Variants in VWA3A observed in about 807,000 individuals in gnomAD.
VWA3A encodes von Willebrand factor A domain-containing protein 3A.
Under a neutral mutation model 160.4 loss-of-function variants are expected in VWA3A, and 134 were observed. The observed-to-expected ratio is 0.84, with a 90% CI of 0.73 to 0.96. VWA3A has a LOEUF of 0.96. VWA3A is among the 40% of genes least tolerant of loss of function. The pLI is 0.00. For synonymous variants in VWA3A, 476 were observed against 543.4 expected, an observed-to-expected ratio of 0.88 and a Z score of 1.72; for missense variants, 1,310 against 1,447.9, an observed-to-expected ratio of 0.90 and a Z score of 1.55.
chr16:22,128,115 G>C (rs1567211515), intron 17 of VWA3A, among the ~76,000 whole-genome samples: 2 of 152,308 alleles, frequency 1.3e-5, no homozygotes, highest in Admixed American at 6.5e-5. Flanking sequence ...ATATGGGGCT[G>C]AGAGGGAGAG....
chr16:22,131,402 G>C, intron 18 of VWA3A, 123 bp downstream of exon 18: 1 of 1,431,538 alleles, frequency 7.0e-7, no homozygotes, highest in South Asian at 1.3e-5. Flanking sequence ...AACAGCCATG[G>C]GCAGAAATCA....
chr16:22,113,312 C>T (rs2045578709), intron 8 of VWA3A, among the ~76,000 whole-genome samples: 1 of 150,174 alleles, frequency 6.7e-6, no homozygotes, highest in African/African-American at 2.5e-5. Flanking sequence ...CTGCCTCAGC[C>T]TCCCAAATAG....
chr16:22,146,438 G>A, intron 27 of VWA3A, 94 bp downstream of exon 27: 1 of 1,062,312 alleles, frequency 9.4e-7, no homozygotes, highest in African/African-American at 1.6e-5. Context: ...CCAAAGCCAG[G>A]CCTTCAAGAA....
rs548061029 is a variant in VWA3A at position 22,141,577 on chromosome 16, C to T, written c.2384-5C>T. 61 of 1,605,784 alleles carry T rather than the reference C, an allele frequency of 3.8e-5. No individual in the cohort carries two copies. Among genetic ancestry groups the T allele is most frequent in the Middle Eastern group, 1.7e-4 (1 of 6,058 alleles). On this transcript the variant is annotated splice_polypyrimidine_tract_variant and splice_region_variant and intron_variant, in intron 23 of 33. Coordinates refer to ENST00000389398, the MANE Select transcript of VWA3A (RefSeq NM_173615.5). ...GCTCCAGCCAACAAGCCAAATGTTC[C>T]TCAGCTGCGGCCCAGCCAACGAAAG...
chr16:22,122,047 G>A (rs931848128), intron 14 of VWA3A, among the ~76,000 whole-genome samples: 2 of 152,158 alleles, frequency 1.3e-5, no homozygotes, highest in Non-Finnish European at 2.9e-5. Flanking sequence ...GTATAAGTAG[G>A]AAATCAATGC....
intron 21 of VWA3A, among the ~76,000 whole-genome samples, chr16:22,135,724 T>C (rs2046028384): frequency 6.6e-6 from 1 of 152,222 alleles, no homozygotes; most frequent in Admixed American, 6.5e-5. Flanking sequence ...TGCTGTTTCC[T>C]CTGTCCTTCC....
chr16:22,104,372 C>A (rs1436186774), intron 6 of VWA3A, among the ~76,000 whole-genome samples: 1 of 152,080 alleles, frequency 6.6e-6, no homozygotes, highest in African/African-American at 2.4e-5. Context: ...GCCTGCAATC[C>A]CAGCTATGCA....
chr16:22,121,677 C>T (rs2045737279), intron 14 of VWA3A, 60 bp downstream of exon 14: 2 of 1,346,610 alleles, frequency 1.5e-6, no homozygotes, highest in East Asian at 2.3e-5. Flanking sequence ...GTGGCTTTTC[C>T]TACCTTCATA....
At chr16:22,129,443 T>C (rs1312288655) in intron 17 of VWA3A, among the ~76,000 whole-genome samples, 2 of 144,860 alleles carry the variant, frequency 1.4e-5, no homozygotes, top group East Asian at 2.0e-4. Flanking sequence ...ATGGAAGAGA[T>C]TTTGGGGAGT....
At chr16:22,142,408 G>C (rs913729167) in intron 24 of VWA3A, among the ~76,000 whole-genome samples, 1 of 152,102 alleles carries the variant, frequency 6.6e-6, no homozygotes, top group Non-Finnish European at 1.5e-5. Context: ...AGATCACATG[G>C]AGAGAGAGGA....
chr16:22,144,161 A>C (rs75117510), intron 25 of VWA3A, 86 bp from the exon 26 acceptor site: 11 of 1,448,522 alleles, frequency 7.6e-6, no homozygotes, highest in African/African-American at 1.4e-5. Flanking sequence ...ACAGGTTTCA[A>C]ACATGAGGTT....
At chr16:22,148,435 G>T in intron 28 of VWA3A, 129 bp downstream of exon 28, 1 of 1,279,824 alleles carries the variant, frequency 7.8e-7, no homozygotes, top group Non-Finnish European at 1.0e-6. Context: ...TAACGCGTTT[G>T]AGTAGGAAAG....
chr16:22,142,684 G>T lies in VWA3A; in HGVS notation c.2511G>T (p.Lys837Asn). Residue 837 changes from lysine to asparagine, a missense_variant, in exon 25 of 34, where the codon AAG becomes AAT. Transcript: ENST00000389398. ...KGNDVGSVYK[K>N]YPQGRGLRRT... ...TTCTTCTAGGCTCAGTGTACAAGAA[G>T]TACCCTCAAGGAAGGGGCTTGAGAA... 1 of 1,568,768 alleles carries T rather than the reference G, an allele frequency of 6.4e-7. No homozygotes were observed. Among genetic ancestry groups the T allele is most frequent in the Non-Finnish European group, 8.7e-7 (1 of 1,155,864 alleles).
chr16:22,115,270 T>TA, intron 8 of VWA3A, 77 bp from the exon 9 acceptor site: 2 of 1,456,458 alleles, frequency 1.4e-6, no homozygotes, highest in South Asian at 2.9e-5. Flanking sequence ...AGCAAGCCCT[T>TA]ATCTCTAAAA....
chr16:22,146,074 G>A (rs975050279), intron 26 of VWA3A, among the ~76,000 whole-genome samples, 162 bp from the exon 27 acceptor site: 1 of 152,094 alleles, frequency 6.6e-6, no homozygotes, highest in African/African-American at 2.4e-5. Context: ...CTCCTGCCTC[G>A]GCCTCCCAAA....
chr16:22,111,006 TCCTA>T lies in VWA3A; in HGVS notation c.689+16_689+19del. On this transcript the variant is annotated intron_variant, in intron 8 of 33. Transcript: ENST00000389398. ...GTCAGCGCCTCCACGTGAGTGGCTT[TCCTA>T]CCTGACGGTGATGTTCACTTGTTCA... 6.3e-7 allele frequency: 1 copy of T among 1,589,966 alleles called. No individual in the cohort carries two copies. The highest frequency in any genetic ancestry group is 8.6e-7 in the Non-Finnish European group (1 of 1,167,892).
chr16:22,150,631 T>C (rs2046331887), intron 29 of VWA3A, 64 bp from the exon 30 acceptor site: 1 of 1,524,428 alleles, frequency 6.6e-7, no homozygotes, highest in Non-Finnish European at 8.8e-7. Context: ...CCTTTAGGCA[T>C]TTGGTTCTTG....
intron 17 of VWA3A, 76 bp from the exon 18 acceptor site, chr16:22,131,129 C>A: frequency 7.2e-7 from 1 of 1,379,566 alleles, no homozygotes; most frequent in Non-Finnish European, 1.0e-6. Context: ...CCACTAAAAG[C>A]CTGCAAAGCC....
intron 6 of VWA3A, among the ~76,000 whole-genome samples, chr16:22,109,050 A>G (rs1307348510): frequency 6.6e-6 from 1 of 152,220 alleles, no homozygotes; most frequent in Non-Finnish European, 1.5e-5. Context: ...CAGAGATACC[A>G]TTGCAGCTGG....
Sources: allele counts gnomAD v4.1 joint callset (sites outside exome capture counted in the v4.1 genomes callset), GRCh38; gene constraint gnomAD v4.1.1; transcripts MANE v1.5; gene names NCBI Gene and HGNC (gene_info 2026-07-23, HGNC 2026-07-21).